ECHDC1: variants seen among roughly 807,000 people sequenced by gnomAD.
The protein encoded by ECHDC1 is ethylmalonyl-CoA decarboxylase.
ECHDC1 carries 29 observed loss-of-function variants against 29.7 expected under a neutral mutation model. The observed-to-expected ratio is 0.98, with a 90% CI of 0.73 to 1.33. The LOEUF is 1.33. Ranked by LOEUF, ECHDC1 falls within the 40% of genes most tolerant of loss-of-function variation. The pLI, the probability that ECHDC1 is intolerant of heterozygous loss-of-function variation, is 0.00. For missense variants in ECHDC1, 328 were observed against 350.0 expected (o/e 0.94, Z 0.50); for synonymous variants, 126 against 123.1 (o/e 1.02, Z -0.15).
intron 5 of ECHDC1, among the ~76,000 whole-genome samples, chr6:127,300,914 A>G (rs1234079153): frequency 2.0e-5 from 3 of 152,222 alleles, no homozygotes; most frequent in Admixed American, 1.3e-4. Flanking sequence ...AGAAAACTAC[A>G]TGTATTAGCA....
At chr6:127,331,878 T>C in intron 1 of ECHDC1, 2 of 985,308 alleles carry the variant, frequency 2.0e-6, no homozygotes, top group Non-Finnish European at 2.4e-6. Flanking sequence ...CTAAGAAAAA[T>C]GGGGAGGGAA....
chr6:127,342,166 G>C (rs2114725490), intron 1 of ECHDC1, among the ~76,000 whole-genome samples: 1 of 152,336 alleles, frequency 6.6e-6, no homozygotes, highest in East Asian at 1.9e-4. Context: ...CAGAACATCT[G>C]TATCTCTCAT....
chr6:127,293,398 A>G (rs1292312574), intron 5 of ECHDC1, among the ~76,000 whole-genome samples: 1 of 152,184 alleles, frequency 6.6e-6, no homozygotes, highest in Non-Finnish European at 1.5e-5. Context: ...TGTGAAGTGC[A>G]TACACTCAGA....
At chr6:127,338,677 G>A (rs1424430447) in intron 1 of ECHDC1, among the ~76,000 whole-genome samples, 2 of 152,128 alleles carry the variant, frequency 1.3e-5, no homozygotes, top group African/African-American at 2.4e-5. Flanking sequence ...CTACATATGT[G>A]TAACCAGAAT....
At chr6:127,324,225 G>A (rs1244232055) in intron 3 of ECHDC1, among the ~76,000 whole-genome samples, 1 of 152,064 alleles carries the variant, frequency 6.6e-6, no homozygotes, top group African/African-American at 2.4e-5. Flanking sequence ...TGATGATATT[G>A]AATTTGATCT....
At position 127,290,297 on chromosome 6, in the gene ECHDC1, A is replaced by G. The variant is rs774864779; in HGVS notation, c.498-20T>C. The G allele has an allele frequency of 5.6e-6, 9 of 1,598,358 alleles. No individual in the cohort carries two copies. In the African/African-American group the frequency reaches 1.1e-4, roughly 19 times the overall value. On this transcript the variant is annotated intron_variant, in intron 5 of 5. Transcript: ENST00000454859. The stretch of plus-strand genomic sequence containing the variant: ...ATTAACCTGTAAAAGAAAAAAGAAA[A>G]GCTTAATTGTAACTCTCTCTGTATG...
rs1583003893 is a variant in ECHDC1 at position 127,330,973 on chromosome 6, T to C, written c.56A>G (p.His19Arg). 2.5e-6 allele frequency: 4 copies of C among 1,614,036 alleles called. No homozygotes were observed. Among genetic ancestry groups the C allele is most frequent in the Non-Finnish European group, 3.4e-6 (4 of 1,180,034 alleles). ...ACTATAAAGTGACAATCCTGTTTGA[T>C]GTAGCAATTTTGTCCTTCCAGACAG... ...ASLSGRTKLLHQTGLSLYSTS... is the reference protein window; with the variant it reads ...ASLSGRTKLLRQTGLSLYSTS... The change falls in exon 2 of 6, where the codon CAT (histidine) becomes CGT (arginine). Residue 19 changes from histidine (H) to arginine (R), a missense_variant. His to Arg is a conservative substitution (Grantham distance 29). Coordinates refer to ENST00000454859, the MANE Select transcript of ECHDC1 (RefSeq NM_001002030.2).
At chr6:127,307,014 G>A (rs1781494009) in intron 5 of ECHDC1, among the ~76,000 whole-genome samples, 1 of 151,948 alleles carries the variant, frequency 6.6e-6, no homozygotes, top group Non-Finnish European at 1.5e-5. Context: ...AATAACAAGA[G>A]GAATTTTGGA....
At position 127,290,140 on chromosome 6, in the gene ECHDC1, A is replaced by C. The variant is rs373077734; in HGVS notation, c.635T>G (p.Leu212Arg). 6.2e-7 allele frequency: 1 copy of C among 1,613,734 alleles called. No homozygotes were observed. Among genetic ancestry groups the C allele is most frequent in the African/African-American group, 1.3e-5 (1 of 75,000 alleles). Reference protein sequence around the residue: ...ALKVLSGALKLDSKNALNIGM... With the variant: ...ALKVLSGALKRDSKNALNIGM... The stretch of plus-strand genomic sequence containing the variant: ...TATGTTTAGAGCATTTTTTGAATCC[A>C]GTTTAAGGGCCCCACTCAACACTTT... Residue 212 changes from leucine to arginine, a missense_variant, in exon 6 of 6, where the codon CTG (leucine) becomes CGG (arginine). Coordinates refer to ENST00000454859, the MANE Select transcript of ECHDC1 (RefSeq NM_001002030.2).
rs578230396 is a variant in ECHDC1 at position 127,324,044 on chromosome 6, A to T, written c.363+2958T>A. ...ATGAGATGCTAAAGAGCTTCCACTT[A>T]AAGGAATTCAAATTCTTGCTGATTT... On this transcript the variant is annotated intron_variant, in intron 3 of 5. Coordinates refer to ENST00000454859, the MANE Select transcript of ECHDC1 (RefSeq NM_001002030.2). 4.2e-4 allele frequency among the ~76,000 whole-genome samples: 64 copies of T among 152,286 alleles called. No homozygotes were observed. In the East Asian group the frequency reaches 0.011, roughly 27 times the overall value.
chr6:127,330,592 T>C (rs991441564), intron 2 of ECHDC1, among the ~76,000 whole-genome samples: 3 of 152,224 alleles, frequency 2.0e-5, no homozygotes, highest in Non-Finnish European at 2.9e-5. Flanking sequence ...TCTGTATTAA[T>C]GAGTTTTCTG....
At chr6:127,324,325 A>G (rs1783106976) in intron 3 of ECHDC1, among the ~76,000 whole-genome samples, 1 of 152,170 alleles carries the variant, frequency 6.6e-6, no homozygotes, top group African/African-American at 2.4e-5. Context: ...TACATTAGCT[A>G]ACTCAATCCT....
intron 1 of ECHDC1, chr6:127,331,773 T>C (rs1022592052): frequency 2.1e-6 from 2 of 948,902 alleles, no homozygotes; most frequent in East Asian, 2.3e-4. Context: ...TATGCAGAAA[T>C]GCTGCAAGAG....
At chr6:127,296,680 T>C (rs1489654199) in intron 5 of ECHDC1, among the ~76,000 whole-genome samples, 1 of 152,214 alleles carries the variant, frequency 6.6e-6, no homozygotes, top group Admixed American at 6.5e-5. Flanking sequence ...AATTTTTTAA[T>C]GGTCCTTAAG....
At chr6:127,338,538 CTTCT>C (rs985603363) in intron 1 of ECHDC1, among the ~76,000 whole-genome samples, 6 of 151,830 alleles carry the variant, frequency 4.0e-5, no homozygotes, top group Admixed American at 1.3e-4. Context: ...CTTTATTGCC[CTTCT>C]TTCTAATTTT....
intron 3 of ECHDC1, among the ~76,000 whole-genome samples, chr6:127,324,420 G>A (rs1271103360): frequency 6.6e-6 from 1 of 152,094 alleles, no homozygotes; most frequent in Non-Finnish European, 1.5e-5. Context: ...TTAGTTGAGT[G>A]GCAGGCCTAT....
Position 127,327,063 on chromosome 6 carries a change from G to A in ECHDC1, c.302C>T (p.Ala101Val), listed in dbSNP as rs150836442. Residue 101 changes from alanine (A) to valine (V), a missense_variant, in exon 3 of 6, where the codon GCA (alanine) becomes GTA (valine). Ala to Val is a moderately conservative substitution (Grantham distance 64). Transcript: ENST00000454859. ...TEGKGLIVRGAKNTFSSGSDL... is the reference protein window; with the variant it reads ...TEGKGLIVRGVKNTFSSGSDL... ...AGATCCTGAAGAGAAAGTATTTTTTGCCCCACGGACAATGAGGCCTTTCCC... is the reference window on the plus strand; with the variant it reads ...AGATCCTGAAGAGAAAGTATTTTTTACCCCACGGACAATGAGGCCTTTCCC... The A allele has an allele frequency of 5.6e-6, 9 of 1,612,792 alleles. No individual in the cohort carries two copies. In the African/African-American group the frequency reaches 1.2e-4, roughly 22 times the overall value.
At position 127,326,982 on chromosome 6, in the gene ECHDC1, A is replaced by T; in HGVS notation, c.363+20T>A. ...CTAATAAACATGTAGAATCAAATGCATAATTCATATAACACTTGCCTCTGG... is the reference window on the plus strand; with the variant it reads ...CTAATAAACATGTAGAATCAAATGCTTAATTCATATAACACTTGCCTCTGG... On this transcript the variant is annotated intron_variant, in intron 3 of 5. Transcript: ENST00000454859. 1 of 1,607,648 alleles carries T rather than the reference A, an allele frequency of 6.2e-7. No individual in the cohort carries two copies. Among genetic ancestry groups the T allele is most frequent in the Non-Finnish European group, 8.5e-7 (1 of 1,176,866 alleles).
intron 5 of ECHDC1, among the ~76,000 whole-genome samples, chr6:127,307,181 G>A (rs913219804): frequency 1.3e-5 from 2 of 151,904 alleles, no homozygotes; most frequent in African/African-American, 4.8e-5. Flanking sequence ...GTACTAACAG[G>A]GAGTTTATAG....
Sources: allele counts gnomAD v4.1 joint callset (sites outside exome capture counted in the v4.1 genomes callset), GRCh38; gene constraint gnomAD v4.1.1; transcripts MANE v1.5; gene names NCBI Gene and HGNC (gene_info 2026-07-23, HGNC 2026-07-21).